The following KDR variants were observed in gnomAD, a reference collection of about 807,000 sequenced individuals.
The protein encoded by KDR is vascular endothelial growth factor receptor 2.
In KDR, 43 loss-of-function variants were observed where a neutral mutation model predicts 160.9. The observed-to-expected ratio is 0.27, with a 90% CI of 0.21 to 0.34. The LOEUF (loss-of-function observed/expected upper bound fraction) is 0.34, where lower values mean the gene tolerates loss of function less well. KDR is among the 10% of genes least tolerant of loss of function. The probability of loss-of-function intolerance (pLI) is 1.00; values close to 1 mark genes in which losing one functional copy is unlikely to be tolerated. For synonymous variants in KDR, 617 were observed against 600.1 expected, an observed-to-expected ratio of 1.03 and a Z score of -0.41; for missense variants, 1,469 against 1,666.4, an observed-to-expected ratio of 0.88 and a Z score of 2.06.
intron 11 of KDR, among the ~76,000 whole-genome samples, chr4:55,106,191 T>G (rs1305561219): frequency 6.6e-6 from 1 of 152,148 alleles, no homozygotes; most frequent in Non-Finnish European, 1.5e-5. Context: ...TACTTACCAG[T>G]TGAGCATCCC....
chr4:55,080,036 G>A lies in KDR; in HGVS notation c.3976C>T (p.Leu1326Phe), dbSNP rs778737297. 1.2e-6 allele frequency: 2 copies of A among 1,614,178 alleles called. No homozygotes were observed. Among genetic ancestry groups the A allele is most frequent in the Non-Finnish European group, 1.7e-6 (2 of 1,180,040 alleles). Reference protein sequence around the residue: ...TTVYSSEEAELLKLIEIGVQT... With the variant: ...TTVYSSEEAEFLKLIEIGVQT... ...ACTCCAATCTCTATCAGCTTTAAAAGTTCTGCTTCCTCACTGGAGTACACG... is the reference window on the plus strand; with the variant it reads ...ACTCCAATCTCTATCAGCTTTAAAAATTCTGCTTCCTCACTGGAGTACACG... The change falls in exon 30 of 30, where the codon CTT (leucine) becomes TTT (phenylalanine). Residue 1326 changes from leucine to phenylalanine, a missense_variant. By Grantham distance (22) the Leu-to-Phe change is conservative (BLOSUM62 0). This residue lies in a region of KDR where 229 missense variants were observed against 197.8 expected (regional missense o/e 1.16). Transcript: ENST00000263923.
At chr4:55,120,204 C>CT (rs1460991044) in intron 2 of KDR, among the ~76,000 whole-genome samples, 1 of 152,094 alleles carries the variant, frequency 6.6e-6, no homozygotes, top group African/African-American at 2.4e-5. Context: ...CGGTTTAATG[C>CT]TTAGTATTCA....
chr4:55,116,748 C>T (rs1560523831), intron 3 of KDR, among the ~76,000 whole-genome samples: 1 of 152,188 alleles, frequency 6.6e-6, no homozygotes, highest in Non-Finnish European at 1.5e-5. Flanking sequence ...CACCACATGC[C>T]ATAGCCATTA....
At chr4:55,106,831 C>T (rs368501168) in intron 10 of KDR, 21 bp from the exon 11 acceptor site, 108 of 1,594,944 alleles carry the variant, frequency 6.8e-5, no homozygotes, top group Middle Eastern at 1.7e-4. Flanking sequence ...GAGATAACAG[C>T]GCATATTATG....
chr4:55,118,923 T>C (rs1035581822), intron 2 of KDR, 123 bp from the exon 3 acceptor site: 3 of 814,830 alleles, frequency 3.7e-6, no homozygotes, highest in East Asian at 2.6e-5. Flanking sequence ...GTCAGTCTTC[T>C]ACCGGCCAGG....
chr4:55,085,966 T>C (rs1719853454), intron 27 of KDR, among the ~76,000 whole-genome samples: 1 of 152,164 alleles, frequency 6.6e-6, no homozygotes, highest in Non-Finnish European at 1.5e-5. Context: ...ATCACTCTAC[T>C]TGGTCACAGA....
chr4:55,124,416 G>T (rs1344230613), intron 1 of KDR, among the ~76,000 whole-genome samples: 2 of 152,126 alleles, frequency 1.3e-5, no homozygotes, highest in Non-Finnish European at 2.9e-5. Flanking sequence ...AATTTTAGGC[G>T]GCAGGGAGAG....
Position 55,079,439 on chromosome 4 carries a change from CCTTT to C in KDR, c.*498_*501del. The C allele has an allele frequency of 7.1e-6, 2 of 282,450 alleles. No homozygotes were observed. The highest frequency in any genetic ancestry group is 9.1e-5 in the South Asian group (1 of 10,956). The allele number at this position is 282,450 out of a possible 1,614,324, so 17.5% of individuals were successfully genotyped here. A position where few individuals can be genotyped will look rare whatever the true frequency, so the allele number is the denominator to read the frequency against. ...TCCAAAGCAAGGTAACGTTAGTCTT[CCTTT>C]CTATCAATCCGAATTCCACACTTAA... On this transcript the variant is annotated 3_prime_UTR_variant, in exon 30 of 30. Coordinates refer to ENST00000263923, the MANE Select transcript of KDR (RefSeq NM_002253.4).
intron 2 of KDR, among the ~76,000 whole-genome samples, chr4:55,120,727 C>A (rs1370113250): frequency 6.6e-6 from 1 of 152,088 alleles, no homozygotes; most frequent in African/African-American, 2.4e-5. Context: ...ATTTTTTCAA[C>A]TCTATTCCTT....
Position 55,110,707 on chromosome 4 carries a change from C to T in KDR, c.1038G>A (p.Glu346=), listed in dbSNP as rs368229078. The change falls in exon 8 of 30, where the codon GAG becomes GAA. Residue 346 remains glutamate (E), a synonymous_variant. Coordinates refer to ENST00000263923, the MANE Select transcript of KDR (RefSeq NM_002253.4). ...GGTACTTCGCAGGGATTCTGACACG[C>T]TCCCCCACCGTGGCTTCCACCAGAG... The part of the protein sequence containing the change: ...MESLVEATVG[E]RVRIPAKYLG... 2 of 1,613,686 alleles carry T rather than the reference C, an allele frequency of 1.2e-6. No homozygotes were observed. The highest frequency in any genetic ancestry group is 1.7e-6 in the Non-Finnish European group (2 of 1,179,950).
chr4:55,098,331 T>C, intron 16 of KDR, 59 bp from the exon 17 acceptor site: 1 of 1,586,986 alleles, frequency 6.3e-7, no homozygotes, highest in African/African-American at 1.3e-5. Flanking sequence ...TTGTTTTGTG[T>C]GCTTGTTATT....
intron 22 of KDR, among the ~76,000 whole-genome samples, chr4:55,090,893 C>T (rs1408135661): frequency 3.7e-5 from 5 of 134,710 alleles, no homozygotes; most frequent in Admixed American, 1.7e-4. Context: ...ATCTCACTCT[C>T]GCCCAGGCTG....
At chr4:55,121,259 A>G in intron 1 of KDR, 69 bp from the exon 2 acceptor site, 1 of 1,029,852 alleles carries the variant, frequency 9.7e-7, no homozygotes. Context: ...ACCTTCCATA[A>G]ACAATGCATA....
Position 55,079,543 on chromosome 4 carries a change from A to C in KDR, c.*398T>G, listed in dbSNP as rs1272466978. The C allele has an allele frequency of 2.7e-6, 1 of 370,876 alleles. No individual in the cohort carries two copies. The highest frequency in any genetic ancestry group is 5.0e-6 in the Non-Finnish European group (1 of 198,892). 23.0% of individuals were successfully genotyped at this position (370,876 alleles called of 1,614,324 possible). A position where few individuals can be genotyped will look rare whatever the true frequency, so the allele number is the denominator to read the frequency against. On this transcript the variant is annotated 3_prime_UTR_variant, in exon 30 of 30. Coordinates refer to ENST00000263923, the MANE Select transcript of KDR (RefSeq NM_002253.4). The stretch of plus-strand genomic sequence containing the variant: ...GCCCTGCAAATCCTTCCCATCTTCA[A>C]CACCTCGAACACTTACATTGCCTGG...
At chr4:55,092,403 G>C (rs1720041189) in intron 22 of KDR, 1 of 559,742 alleles carries the variant, frequency 1.8e-6, no homozygotes. Flanking sequence ...CTTAGTAGAT[G>C]CTTGACAAGC....
At chr4:55,107,664 T>C in intron 10 of KDR, 73 bp downstream of exon 10, 1 of 1,594,906 alleles carries the variant, frequency 6.3e-7, no homozygotes, top group Non-Finnish European at 8.6e-7. Flanking sequence ...CCATTTAGGA[T>C]GGAGTCATAT....
chr4:55,092,385 G>A, intron 22 of KDR: 1 of 527,518 alleles, frequency 1.9e-6, no homozygotes, highest in Non-Finnish European at 3.5e-6. Flanking sequence ...TCAGAAGACT[G>A]CCTCACACTT....
In KDR at chr4:55,113,458, G is replaced by A. The variant is rs552152695; in HGVS notation, c.822C>T (p.Asn274=). ...TCCCAGACTGGGTTTTTAGGTCTCGGTTTACAAGTTTCTTATGCTGATGCT... is the reference window on the plus strand; with the variant it reads ...TCCCAGACTGGGTTTTTAGGTCTCGATTTACAAGTTTCTTATGCTGATGCT... ...SSKHQHKKLV[N]RDLKTQSGSE... is the part of the protein sequence containing the mutation. The change falls in exon 7 of 30, where the codon AAC becomes AAT. Residue 274 remains asparagine, a synonymous_variant. Transcript: ENST00000263923. The A allele has an allele frequency of 4.3e-6, 7 of 1,613,886 alleles. No individual in the cohort carries two copies. The African/African-American group carries it at 6.7e-5, about 15-fold the overall frequency.
Position 55,125,427 on chromosome 4 carries a change from A to T in KDR, c.-134T>A. ...GCAGGACAGTTGAGCGCACAGGGCT[A>T]GGGAGCCCGGGCGCCGACCGCGGCT... On this transcript the variant is annotated 5_prime_UTR_variant, in exon 1 of 30. Transcript: ENST00000263923. 3 of 1,177,340 alleles carry T rather than the reference A, an allele frequency of 2.5e-6. No individual in the cohort carries two copies. The highest frequency in any genetic ancestry group is 3.6e-6 in the Non-Finnish European group (3 of 828,228). The allele number at this position is 1,177,340 out of a possible 1,614,324, so 72.9% of individuals were successfully genotyped here.
Sources: gnomAD v4.1 joint callset for allele counts (sites outside exome capture counted in the v4.1 genomes callset) on GRCh38, gnomAD v4.1.1 for gene constraint, gnomAD v4.1.1 regional missense constraint, MANE v1.5 for transcripts, NCBI Gene and HGNC (gene_info 2026-07-23, HGNC 2026-07-21) for gene names.